COL12A1: variants seen among roughly 807,000 people sequenced by gnomAD.
COL12A1 encodes the protein collagen type XII alpha 1 chain.
Under a neutral mutation model 349.7 loss-of-function variants are expected in COL12A1, and 114 were observed. The ratio of observed to expected loss-of-function variants is 0.33; its 90% CI spans 0.28 to 0.38. COL12A1 has a LOEUF of 0.38. Among genes scored for constraint, COL12A1 ranks in the 10% least tolerant of loss-of-function variants. The pLI is 1.00. For missense variants in COL12A1, 3,284 were observed against 3,756.9 expected (o/e 0.87, Z 3.29); for synonymous variants, 1,369 against 1,329.0 (o/e 1.03, Z -0.66).
rs1767709394 is a variant in COL12A1 at position 75,090,520 on chromosome 6, G to A, written c.8753-222C>T. 6.6e-6 allele frequency among the ~76,000 whole-genome samples: 1 copy of A among 152,096 alleles called. No homozygotes were observed. The highest frequency in any genetic ancestry group is 2.1e-4 in the South Asian group (1 of 4,820). On this transcript the variant is annotated intron_variant, in intron 62 of 65. Transcript: ENST00000322507. This position sits in a 1 kb window ranked among gnomAD's most constrained non-coding sequence, Gnocchi z 4.1. ...GTTTCCACAAAATGCTGACCTACAA[G>A]CCACAAACATTACTACAAATATAAA...
chr6:75,165,269 A>G (rs1325343142), intron 14 of COL12A1, among the ~76,000 whole-genome samples: 1 of 152,022 alleles, frequency 6.6e-6, no homozygotes, highest in African/African-American at 2.4e-5. Context: ...TCATTGCACC[A>G]GAAAAAAAAA....
Position 75,177,787 on chromosome 6 carries a change from T to C in COL12A1, c.2313A>G (p.Pro771=), listed in dbSNP as rs747261957. 1.9e-6 allele frequency: 3 copies of C among 1,614,054 alleles called. No individual in the cohort carries two copies. Among genetic ancestry groups the C allele is most frequent in the Non-Finnish European group, 2.5e-6 (3 of 1,180,000 alleles). ...CCAGTGTTCTCCTCCTCTGATTGGG[T>C]GGGGTGGTAACTTCTCTGCTCTCTC... ...AGGESREVTT[P]PNQRRRTLEN... The change falls in exon 12 of 66, where the codon CCA becomes CCG. Residue 771 remains proline, a synonymous_variant. Transcript: ENST00000322507.
chr6:75,117,633 T>C (rs1324769749), intron 46 of COL12A1, 87 bp from the exon 47 acceptor site: 4 of 1,430,310 alleles, frequency 2.8e-6, no homozygotes, highest in Non-Finnish European at 3.8e-6. Flanking sequence ...TTATCAGAAA[T>C]GATGCTGTAT....
rs1462567000 is a variant in COL12A1, at chr6:75,183,458, T to G, written c.1483A>C (p.Lys495Gln). ...ATATCTTCAACTTTGGTGAATTTTT[T>G]CAAAGTGAACTCAGTATGAGGATCC... Reference protein sequence around the residue: ...SRDPHTEFTLKKFTKVEDIIE... With the variant: ...SRDPHTEFTLQKFTKVEDIIE... Residue 495 changes from lysine to glutamine, a missense_variant, in exon 10 of 66, where the codon AAA (lysine) becomes CAA (glutamine). By Grantham distance (53) the Lys-to-Gln change is moderately conservative. Transcript: ENST00000322507. The G allele has an allele frequency of 6.2e-7, 1 of 1,614,220 alleles. No homozygotes were observed. The highest frequency in any genetic ancestry group is 8.5e-7 in the Non-Finnish European group (1 of 1,180,030).
At chr6:75,100,719 AT>A (rs1768267568) in intron 58 of COL12A1, among the ~76,000 whole-genome samples, 1 of 152,116 alleles carries the variant, frequency 6.6e-6, no homozygotes, top group East Asian at 1.9e-4. Context: ...TCTCTGCCCA[AT>A]GGTGTCTTGG....
chr6:75,154,172 A>G (rs535595820), intron 17 of COL12A1, among the ~76,000 whole-genome samples: 1 of 151,956 alleles, frequency 6.6e-6, no homozygotes, highest in South Asian at 2.1e-4. Context: ...TCTTAAAAAT[A>G]GATTTATGTA....
At chr6:75,099,691 G>A (rs1347132331) in intron 58 of COL12A1, among the ~76,000 whole-genome samples, 1 of 152,172 alleles carries the variant, frequency 6.6e-6, no homozygotes, top group African/African-American at 2.4e-5. Flanking sequence ...AAGTGAGGGG[G>A]CTGAGAAGAC....
chr6:75,127,924 A>G (rs554974766), intron 38 of COL12A1, among the ~76,000 whole-genome samples: 1 of 152,336 alleles, frequency 6.6e-6, no homozygotes, highest in South Asian at 2.1e-4. Context: ...TTCAATCGCA[A>G]TGGAATATTT....
In COL12A1 at chr6:75,145,391, G is replaced by A. The variant is rs370068148; in HGVS notation, c.4625C>T (p.Ala1542Val). Residue 1542 changes from alanine (A) to valine (V), a missense_variant, in exon 25 of 66, where the codon GCA becomes GTA. Physicochemically the swap from Ala to Val is moderately conservative, Grantham distance 64. Coordinates refer to ENST00000322507, the MANE Select transcript of COL12A1 (RefSeq NM_004370.6). ...GTGCAGGACAGCCTGGACTGTGACT[G>A]CATACTCCGTGTTGGGAACAAGGTC... The part of the protein sequence containing the change: ...LTDLVPNTEY[A>V]VTVQAVLHDL... 6.2e-7 allele frequency: 1 copy of A among 1,613,878 alleles called. No individual in the cohort carries two copies. Among genetic ancestry groups the A allele is most frequent in the Admixed American group, 1.7e-5 (1 of 60,010 alleles).
intron 2 of COL12A1, among the ~76,000 whole-genome samples, chr6:75,196,814 G>T (rs1770250130): frequency 6.6e-6 from 1 of 152,198 alleles, no homozygotes; most frequent in African/African-American, 2.4e-5. Context: ...ACCAACCTTG[G>T]AAGGAAAATG....
At chr6:75,117,650 A>G (rs1769154712) in intron 46 of COL12A1, 104 bp from the exon 47 acceptor site, 1 of 1,248,606 alleles carries the variant, frequency 8.0e-7, no homozygotes, top group Non-Finnish European at 1.1e-6. Context: ...GTATTTTCTT[A>G]ATGTATGCAG....
At chr6:75,145,277 A>T in intron 25 of COL12A1, 49 bp downstream of exon 25, 2 of 1,478,040 alleles carry the variant, frequency 1.4e-6, no homozygotes, top group Non-Finnish European at 1.8e-6. Context: ...TCTAATGAAC[A>T]TTATGCTCAC....
chr6:75,103,920 A>T, intron 54 of COL12A1, 110 bp from the exon 55 acceptor site: 1 of 681,964 alleles, frequency 1.5e-6, no homozygotes, highest in Non-Finnish European at 2.4e-6. Context: ...ATTATTCTAC[A>T]GCTGCTTGCA....
Position 75,158,842 on chromosome 6 carries a change from A to T in COL12A1, c.2984-2319T>A, listed in dbSNP as rs145426185. Among the ~76,000 whole-genome samples the T allele has an allele frequency of 4.5e-3, 691 of 152,158 alleles. 5 individuals carry two copies. The highest frequency in any genetic ancestry group is 7.7e-3 in the African/African-American group (319 of 41,546). ...AACATGAAACACAAGGAAAGAAAAA[A>T]TTTTTTTAATGAACAGAGCATCAGT... On this transcript the variant is annotated intron_variant, in intron 14 of 65. Coordinates refer to ENST00000322507, the MANE Select transcript of COL12A1 (RefSeq NM_004370.6).
chr6:75,147,646 A>G, intron 23 of COL12A1, 29 bp downstream of exon 23: 1 of 1,573,858 alleles, frequency 6.4e-7, no homozygotes, highest in African/African-American at 1.4e-5. Flanking sequence ...AAAGAAAGCA[A>G]TGAGAAACAA....
rs1766927446 is a variant in COL12A1, at chr6:75,142,169, A to G, written c.4828-8T>C. ...TGATCTGTCCACCTCTACCTATAAC[A>G]GTAACAGAGCAGTGGAACTACTTTT... On this transcript the variant is annotated splice_polypyrimidine_tract_variant and splice_region_variant and intron_variant, in intron 26 of 65. Transcript: ENST00000322507. 4 of 1,614,006 alleles carry G rather than the reference A, an allele frequency of 2.5e-6. No individual in the cohort carries two copies. The highest frequency in any genetic ancestry group is 2.5e-6 in the Non-Finnish European group (3 of 1,179,890).
At chr6:75,137,833 G>A (rs1031833852) in intron 30 of COL12A1, among the ~76,000 whole-genome samples, 3 of 152,090 alleles carry the variant, frequency 2.0e-5, no homozygotes, top group Non-Finnish European at 4.4e-5. Flanking sequence ...GGGCCTTTGG[G>A]TGGTAATTAG....
chr6:75,168,491 G>T (rs1768432621), intron 13 of COL12A1, among the ~76,000 whole-genome samples: 1 of 152,178 alleles, frequency 6.6e-6, no homozygotes, highest in Non-Finnish European at 1.5e-5. Context: ...GTCAACAACA[G>T]GCTATGTCAC....
chr6:75,151,082 A>AG, intron 21 of COL12A1, 59 bp downstream of exon 21: 1 of 823,286 alleles, frequency 1.2e-6, no homozygotes, highest in Non-Finnish European at 1.7e-6. Context: ...CCAAAAGAAT[A>AG]ATTATTTGGC....
Sources: gnomAD v4.1 joint callset for allele counts (sites outside exome capture counted in the v4.1 genomes callset) on GRCh38, gnomAD v4.1.1 for gene constraint, Gnocchi (gnomAD v3.1) non-coding constraint, MANE v1.5 for transcripts, NCBI Gene and HGNC (gene_info 2026-07-23, HGNC 2026-07-21) for gene names.